HEMK2: variants seen among roughly 807,000 people sequenced by gnomAD.
HEMK2 encodes HemK methyltransferase 2, ETF1 glutamine and histone H4 lysine, also known as methyltransferase HEMK2.
chr21:28,809,191 A>G, the HEMK2 span, among the ~76,000 whole-genome samples: 2 of 152,130 alleles, frequency 1.3e-5, no homozygotes, highest in Non-Finnish European at 2.9e-5. Flanking sequence ...TAGCCTTTGA[A>G]GAAAGTTTAG....
chr21:28,703,930 A>G, the HEMK2 span, among the ~76,000 whole-genome samples: 2 of 152,322 alleles, frequency 1.3e-5, no homozygotes, highest in Admixed American at 1.3e-4. Flanking sequence ...TCAGGACACC[A>G]ACATTTCATG....
the HEMK2 span, among the ~76,000 whole-genome samples, chr21:28,877,259 G>GGAAGGAAGGAA: frequency 5.3e-5 from 4 of 76,188 alleles, no homozygotes; most frequent in Admixed American, 1.5e-4. Context: ...GGGAAGAGAA[G>GGAAGGAAGGAA]GGAAGGAAGG....
the HEMK2 span, among the ~76,000 whole-genome samples, chr21:28,746,054 T>C: frequency 6.6e-6 from 1 of 152,248 alleles, no homozygotes; most frequent in South Asian, 2.1e-4. Context: ...TTTTATTGGA[T>C]ACTCTATCAA....
the HEMK2 span, chr21:28,883,023 T>G: frequency 6.2e-7 from 1 of 1,608,732 alleles, no homozygotes; most frequent in Non-Finnish European, 8.5e-7. Context: ...AGGCTAGGAA[T>G]GCAGATACTA....
the HEMK2 span, among the ~76,000 whole-genome samples, chr21:28,805,640 G>A: frequency 9.2e-5 from 14 of 152,202 alleles, no homozygotes; most frequent in African/African-American, 3.4e-4. Context: ...GCTTCTGTAC[G>A]ACTTTACATT....
the HEMK2 span, among the ~76,000 whole-genome samples, chr21:28,798,270 G>T: frequency 4.6e-5 from 7 of 152,240 alleles, no homozygotes; most frequent in East Asian, 9.6e-4. Context: ...TGAAATTCAA[G>T]AACAATCAAA....
chr21:28,688,068 T>A, the HEMK2 span, among the ~76,000 whole-genome samples: 5 of 152,204 alleles, frequency 3.3e-5, no homozygotes, highest in African/African-American at 1.2e-4. Flanking sequence ...GGTGAATGGA[T>A]GTGGCTCAAG....
At chr21:28,881,537 T>C in the HEMK2 span, among the ~76,000 whole-genome samples, 1 of 151,820 alleles carries the variant, frequency 6.6e-6, no homozygotes, top group South Asian at 2.1e-4. Context: ...TGCCTAGGAA[T>C]AGAGCCACCA....
chr21:28,773,279 ATAAT>A, the HEMK2 span, among the ~76,000 whole-genome samples: 1 of 152,178 alleles, frequency 6.6e-6, no homozygotes, highest in East Asian at 1.9e-4. Context: ...AAGCTAGCTA[ATAAT>A]TAATTAAAGT....
chr21:28,831,518 A>AGAAAGAAAGAAGGAAG, the HEMK2 span, among the ~76,000 whole-genome samples: 15 of 76,724 alleles, frequency 2.0e-4, 1 homozygote, highest in East Asian at 6.1e-3. Context: ...AAAGAAAGAA[A>AGAAAGAAAGAAGGAAG]GAAAGAAGGA....
the HEMK2 span, among the ~76,000 whole-genome samples, chr21:28,736,031 T>C: frequency 6.6e-6 from 1 of 152,188 alleles, no homozygotes; most frequent in Non-Finnish European, 1.5e-5. Flanking sequence ...GGAAAACAGA[T>C]TCTACCTTTT....
the HEMK2 span, among the ~76,000 whole-genome samples, chr21:28,802,673 GTGAGC>G: frequency 2.6e-5 from 4 of 152,212 alleles, no homozygotes; most frequent in African/African-American, 7.2e-5. Context: ...GGAAGTTGCA[GTGAGC>G]TGAGATAACA....
chr21:28,732,598 G>A, the HEMK2 span, among the ~76,000 whole-genome samples: 6 of 152,220 alleles, frequency 3.9e-5, no homozygotes, highest in African/African-American at 9.6e-5. Flanking sequence ...AAAAAAGAAG[G>A]CTGTAGGCAG....
chr21:28,636,229 T>C, the HEMK2 span, among the ~76,000 whole-genome samples: 197 of 152,296 alleles, frequency 1.3e-3, 1 homozygote, highest in African/African-American at 4.5e-3. Flanking sequence ...TAACTTTTTA[T>C]CCCTTTTGCC....
At chr21:28,789,760 C>A in the HEMK2 span, among the ~76,000 whole-genome samples, 12,399 of 152,156 alleles carry the variant, frequency 0.081, 1,154 homozygotes, top group African/African-American at 0.22. Context: ...GGCAGGTCTG[C>A]AAAACCACCC....
At chr21:28,616,414 G>T in the HEMK2 span, among the ~76,000 whole-genome samples, 1 of 152,120 alleles carries the variant, frequency 6.6e-6, no homozygotes, top group Non-Finnish European at 1.5e-5. Flanking sequence ...TGCCTAAAAT[G>T]TATGAGCTAA....
At chr21:28,818,383 A>T in the HEMK2 span, among the ~76,000 whole-genome samples, 3 of 152,130 alleles carry the variant, frequency 2.0e-5, no homozygotes, top group Non-Finnish European at 4.4e-5. Flanking sequence ...CAGCTTGCAG[A>T]TGGCCTATTG....
the HEMK2 span, chr21:28,878,152 A>G: frequency 6.7e-7 from 1 of 1,482,690 alleles, no homozygotes; most frequent in South Asian, 1.3e-5. Flanking sequence ...TTTTGATTTC[A>G]GCAACATAAA....
chr21:28,742,715 CAG>C, the HEMK2 span, among the ~76,000 whole-genome samples: 1 of 151,794 alleles, frequency 6.6e-6, no homozygotes, highest in African/African-American at 2.4e-5. Context: ...GATAACGACA[CAG>C]TGGTTTTGTT....
Sources: allele counts gnomAD v4.1 joint callset (sites outside exome capture counted in the v4.1 genomes callset), GRCh38; gene constraint gnomAD v4.1.1; transcripts MANE v1.5; gene names NCBI Gene and HGNC (gene_info 2026-07-23, HGNC 2026-07-21).